RGS3: variants seen among roughly 807,000 people sequenced by gnomAD.
RGS3 encodes regulator of G protein signaling 3, also known as regulator of G-protein signalling 3.
Under a neutral mutation model 132.6 loss-of-function variants are expected in RGS3, and 80 were observed. The ratio of observed to expected loss-of-function variants is 0.60; its 90% confidence interval spans 0.50 to 0.73. The LOEUF (loss-of-function observed/expected upper bound fraction) is 0.73. RGS3 is among the 30% of genes least tolerant of loss of function. The pLI, the probability that RGS3 is intolerant of heterozygous loss-of-function variation, is 0.00. For missense variants in RGS3, 1,382 were observed against 1,530.8 expected (o/e 0.90, Z 1.62); for synonymous variants, 598 against 620.6 (o/e 0.96, Z 0.54).
At chr9:113,560,387 G>A (rs942983439) in intron 19 of RGS3, among the ~76,000 whole-genome samples, 1 of 151,010 alleles carries the variant, frequency 6.6e-6, no homozygotes, top group Non-Finnish European at 1.5e-5. Flanking sequence ...AACAAGGCCC[G>A]TGCCACCAGG....
exon 11 of RGS3, chr9:113,505,510 G>A (rs1264247666): frequency 3.7e-6 from 6 of 1,614,160 alleles, no homozygotes; most frequent in Non-Finnish European, 5.1e-6. Flanking sequence ...TTCGAGTCCA[G>A]GCCGTGGATT....
intron 19 of RGS3, among the ~76,000 whole-genome samples, chr9:113,571,373 T>C (rs1017230876): frequency 1.6e-4 from 25 of 152,374 alleles, no homozygotes; most frequent in Admixed American, 1.6e-3. Flanking sequence ...AAGCTGTACA[T>C]GAAAGAGCCT....
In RGS3 at chr9:113,463,634, T is replaced by G; in HGVS notation, c.415+1433T>G. ...GCTCCGGCAGGTGGAACTCTCCCCA[T>G]TCAAACCCGCGCGGGCCAATCAGGG... is the stretch of plus-strand genomic sequence containing the variant. On this transcript the variant is annotated intron_variant, in intron 3 of 24. Transcript: ENST00000350696. The surrounding 1 kb of genome is among the most constrained non-coding windows in gnomAD (Gnocchi z 4.6). The G allele has an allele frequency of 1.9e-4, 183 of 952,486 alleles. No individual in the cohort carries two copies. Among genetic ancestry groups the G allele is most frequent in the East Asian group, 1.6e-3 (20 of 12,152 alleles). The allele number at this position is 952,486 out of a possible 1,614,324, so 59.0% of individuals were successfully genotyped here. A position where few individuals can be genotyped will look rare whatever the true frequency, so the allele number is the denominator to read the frequency against.
chr9:113,580,489 G>T (rs1055644158), intron 19 of RGS3, among the ~76,000 whole-genome samples: 4 of 152,248 alleles, frequency 2.6e-5, no homozygotes, highest in African/African-American at 9.6e-5. Flanking sequence ...AGTCCAGTAT[G>T]ATATCACTGG....
intron 7 of RGS3, among the ~76,000 whole-genome samples, chr9:113,487,139 CTG>C: frequency 7.3e-6 from 1 of 137,710 alleles, no homozygotes; most frequent in African/African-American, 2.7e-5. Flanking sequence ...GAGTCTCGCT[CTG>C]TCGCCCAGGC....
chr9:113,461,723 A>C, exon 2 of RGS3: 1 of 1,614,008 alleles, frequency 6.2e-7, no homozygotes, highest in South Asian at 1.1e-5. Context: ...TTCAGACAGC[A>C]CACCTTTGCC....
intron 13 of RGS3, among the ~76,000 whole-genome samples, 162 bp from the exon 12 acceptor site, chr9:113,508,379 C>T (rs1831238400): frequency 6.6e-6 from 1 of 152,204 alleles, no homozygotes. Flanking sequence ...TTTGTGTTCT[C>T]TCCCAGCCTC....
rs750318664 is a variant in RGS3, at chr9:113,584,117, C to A, written c.2705C>A (p.Thr902Asn). 3 of 1,614,114 alleles carry A rather than the reference C, an allele frequency of 1.9e-6. No individual in the cohort carries two copies. In the East Asian group the frequency reaches 6.7e-5, roughly 36 times the overall value. The change falls in exon 20 of 25, where the codon ACC becomes AAC. Residue 902 changes from threonine to asparagine, a missense_variant. Thr to Asn is a moderately conservative substitution (Grantham distance 65, BLOSUM62 0). Transcript: ENST00000350696. Reference sequence around the variant, plus strand: ...GGGGAGGAGGACGAGGATGAGGACACCAGCGATGACAACTACGGAGAGCGC... The same window carrying A: ...GGGGAGGAGGACGAGGATGAGGACAACAGCGATGACAACTACGGAGAGCGC...
At chr9:113,556,545 C>T (rs1833574014) in intron 19 of RGS3, among the ~76,000 whole-genome samples, 1 of 152,064 alleles carries the variant, frequency 6.6e-6, no homozygotes, top group Admixed American at 6.6e-5. Flanking sequence ...TATACAAGGT[C>T]GCATAATTAG....
chr9:113,595,289 G>A (rs867610925), intron 23 of RGS3, among the ~76,000 whole-genome samples: 2 of 152,188 alleles, frequency 1.3e-5, no homozygotes, highest in Non-Finnish European at 2.9e-5. Flanking sequence ...CTTTCACGGC[G>A]CCAAATGTGC....
At position 113,594,051 on chromosome 9, in the gene RGS3, T is replaced by TC. The variant is rs544377974; in HGVS notation, c.3081-377dup. The TC allele has an allele frequency of 9.9e-5, 160 of 1,613,012 alleles. No individual in the cohort carries two copies. In the African/African-American group the frequency reaches 1.1e-3, roughly 11 times the overall value. On this transcript the variant is annotated intron_variant, in intron 21 of 24. Coordinates refer to ENST00000350696, the Ensembl canonical transcript of RGS3. ...GGGTTGGCCAGAAGGAATTTTTTTT[T>TC]CCGCTCCCCCTCCTGGTCCCTCCCA...
At chr9:113,470,725 G>A (rs559964108) in intron 3 of RGS3, among the ~76,000 whole-genome samples, 44 of 152,316 alleles carry the variant, frequency 2.9e-4, no homozygotes, top group Admixed American at 1.5e-3. Flanking sequence ...AGCACTTTGG[G>A]AGGCCAAGGC....
chr9:113,591,467 G>T lies in RGS3; in HGVS notation c.3080+70G>T, dbSNP rs751823586. 6 of 1,375,740 alleles carry T rather than the reference G, an allele frequency of 4.4e-6. No individual in the cohort carries two copies. The highest frequency in any genetic ancestry group is 4.1e-6 in the Non-Finnish European group (4 of 964,898). 85.2% of individuals were successfully genotyped at this position (1,375,740 alleles called of 1,614,324 possible). A position where few individuals can be genotyped will look rare whatever the true frequency, so the allele number is the denominator to read the frequency against. On this transcript the variant is annotated intron_variant, in intron 21 of 24. Coordinates refer to ENST00000350696, the Ensembl canonical transcript of RGS3. The surrounding 1 kb of genome is among the most constrained non-coding windows in gnomAD (Gnocchi z 4.4). ...TGCCCCAGGGCTTGTCTCTCCTCTA[G>T]GGGTCCAGGTGGGGAGAAGAGGTTG...
At chr9:113,467,927 A>G (rs535000713) in intron 3 of RGS3, among the ~76,000 whole-genome samples, 153 of 152,278 alleles carry the variant, frequency 1.0e-3, no homozygotes, top group African/African-American at 3.6e-3. Context: ...AGGTTTCCCT[A>G]TGTTGCCCAA....
At chr9:113,520,102 T>A (rs1363055741) in intron 16 of RGS3, among the ~76,000 whole-genome samples, 1 of 152,220 alleles carries the variant, frequency 6.6e-6, no homozygotes, top group Non-Finnish European at 1.5e-5. Flanking sequence ...AAGGACCCCC[T>A]TACCAAGTGA....
At chr9:113,553,745 AG>A (rs1240263702) in intron 19 of RGS3, among the ~76,000 whole-genome samples, 2 of 151,804 alleles carry the variant, frequency 1.3e-5, no homozygotes, top group Non-Finnish European at 2.9e-5. Flanking sequence ...GGGGAGCCTG[AG>A]GCAGGAGAAT....
At chr9:113,447,329 G>GTATATATGTATATA (rs1305095004) in intron 1 of RGS3, among the ~76,000 whole-genome samples, 1,595 of 27,466 alleles carry the variant, frequency 0.058, 204 homozygotes, top group Non-Finnish European at 0.099. Context: ...GTATGTATAT[G>GTATATATGTATATA]TATATATATA....
At chr9:113,455,296 G>A (rs1829341865), upstream of RGS3, among the ~76,000 whole-genome samples, 2 of 152,178 alleles carry the variant, frequency 1.3e-5, no homozygotes, top group South Asian at 4.1e-4. Context: ...CATCTTGGCT[G>A]GAAACAGAAG....
chr9:113,594,861 C>A, intron 22 of RGS3, 58 bp from the exon 21 acceptor site: 1 of 1,544,726 alleles, frequency 6.5e-7, no homozygotes, highest in South Asian at 1.1e-5. Flanking sequence ...GGCCCAGCTT[C>A]CCCCAAGGTT....
Sources: gnomAD v4.1 joint callset for allele counts (sites outside exome capture counted in the v4.1 genomes callset) on GRCh38, gnomAD v4.1.1 for gene constraint, Gnocchi (gnomAD v3.1) non-coding constraint, MANE v1.5 for transcripts, NCBI Gene and HGNC (gene_info 2026-07-23, HGNC 2026-07-21) for gene names.